USP8: variants seen among roughly 807,000 people sequenced by gnomAD.
USP8 encodes ubiquitin specific peptidase 8.
USP8 carries 27 observed loss-of-function variants against 130.0 expected under a neutral mutation model. The ratio of observed to expected loss-of-function variants is 0.21; its 90% CI spans 0.15 to 0.29. The LOEUF (loss-of-function observed/expected upper bound fraction) is 0.29, where lower values mean the gene tolerates loss of function less well. USP8 is among the 10% of genes least tolerant of loss of function. The pLI, the probability that USP8 is intolerant of heterozygous loss-of-function variation, is 1.00. For synonymous variants in USP8, 392 were observed against 444.1 expected (o/e 0.88, Z 1.48); for missense variants, 1,029 against 1,312.2 (o/e 0.78, Z 3.33).
intron 4 of USP8, chr15:50,458,384 C>G (rs1180437498): frequency 6.5e-6 from 1 of 153,026 alleles, no homozygotes; most frequent in African/African-American, 2.4e-5. Flanking sequence ...CTCCTGACCT[C>G]ACATGATCCG....
rs906075042 is a variant in USP8 at position 50,496,912 on chromosome 15, C to A, written c.2896-177C>A. 2.1e-5 allele frequency: 15 copies of A among 724,156 alleles called. No homozygotes were observed. In the African/African-American group the frequency reaches 2.7e-4, roughly 13 times the overall value. 44.9% of individuals were successfully genotyped at this position (724,156 alleles called of 1,614,324 possible). On this transcript the variant is annotated intron_variant, in intron 17 of 19. Coordinates refer to ENST00000307179, the MANE Select transcript of USP8 (RefSeq NM_005154.5). ...TAGCACTCACCACACTCTGTGCTGT[C>A]ATTGTTCACTTGTCTATGCTTCTCA...
chr15:50,437,392 GTTCAA>G lies in USP8; in HGVS notation c.-65-1609_-65-1605del, dbSNP rs556820142. Among the ~76,000 whole-genome samples the G allele has an allele frequency of 2.6e-3, 398 of 152,086 alleles. 1 individual carries two copies. The highest frequency in any genetic ancestry group is 9.2e-3 in the African/African-American group (381 of 41,468). On this transcript the variant is annotated intron_variant, in intron 1 of 19. Transcript: ENST00000307179. ...CATTTATATCTTTAAGCAATATATT[GTTCAA>G]TTCAATTTGATTTTTAAACTTTATA...
chr15:50,431,006 A>G (rs965750990), intron 1 of USP8, among the ~76,000 whole-genome samples: 1 of 152,230 alleles, frequency 6.6e-6, no homozygotes, highest in Non-Finnish European at 1.5e-5. Flanking sequence ...CATTGCACAG[A>G]GCAGCCTCTC....
chr15:50,488,221 TA>T (rs2052029429), intron 12 of USP8, among the ~76,000 whole-genome samples: 2 of 152,178 alleles, frequency 1.3e-5, no homozygotes, highest in Non-Finnish European at 2.9e-5. Context: ...GTTTTCTTCT[TA>T]AGGTTTCAGT....
rs973893229 is a variant in USP8, at chr15:50,428,236, C to T, written c.-66+3722C>T. On this transcript the variant is annotated intron_variant, in intron 1 of 19. Transcript: ENST00000307179. ...GGTTCAAGCAATTCTCCTGCCTCAG[C>T]CTCCCAAGTAGCTGGGATCACAGGC... Among the ~76,000 whole-genome samples, 32 of 152,158 alleles carry T rather than the reference C, an allele frequency of 2.1e-4. 1 individual carries two copies. Among genetic ancestry groups the T allele is most frequent in the Admixed American group, 1.8e-3 (27 of 15,262 alleles).
At chr15:50,479,020 C>T (rs930725546) in intron 10 of USP8, among the ~76,000 whole-genome samples, 2 of 152,084 alleles carry the variant, frequency 1.3e-5, no homozygotes, top group Non-Finnish European at 1.5e-5. Flanking sequence ...GGCCACTGCA[C>T]TCCAGCCTGG....
chr15:50,497,628 T>C (rs1335985476), intron 18 of USP8: 2 of 152,936 alleles, frequency 1.3e-5, no homozygotes, highest in African/African-American at 4.8e-5. Context: ...TGATAAAATA[T>C]GTTAACGATA....
intron 8 of USP8, among the ~76,000 whole-genome samples, chr15:50,476,089 G>GA (rs1403681187): frequency 6.6e-6 from 1 of 152,068 alleles, no homozygotes; most frequent in Non-Finnish European, 1.5e-5. Flanking sequence ...ATTAAATGGG[G>GA]AAAAAACCCA....
At chr15:50,476,462 T>G (rs578075292) in intron 8 of USP8, among the ~76,000 whole-genome samples, 3 of 152,114 alleles carry the variant, frequency 2.0e-5, no homozygotes, top group Admixed American at 6.6e-5. Flanking sequence ...TTACCTAGCA[T>G]TGCAAATGAT....
At chr15:50,498,362 A>T (rs1478352593) in intron 18 of USP8, 4 of 440,298 alleles carry the variant, frequency 9.1e-6, no homozygotes, top group Non-Finnish European at 1.6e-5. Flanking sequence ...TACCTCTACC[A>T]TTCTGGCTGT....
At position 50,449,623 on chromosome 15, in the gene USP8, C is replaced by T. The variant is rs929295240; in HGVS notation, c.335+138C>T. The T allele has an allele frequency of 1.4e-5, 7 of 501,364 alleles. No individual in the cohort carries two copies. In the Admixed American group the frequency reaches 2.2e-4, roughly 16 times the overall value. 31.1% of individuals were successfully genotyped at this position (501,364 alleles called of 1,614,324 possible). On this transcript the variant is annotated intron_variant, in intron 4 of 19. Coordinates refer to ENST00000307179, the MANE Select transcript of USP8 (RefSeq NM_005154.5). The stretch of plus-strand genomic sequence containing the variant: ...GACAGAGTCTCGCGCTGTCTGTCGC[C>T]CATGCTGGAGTGCAGTGGCGCGATC...
At chr15:50,473,573 C>A (rs143253604) in intron 8 of USP8, among the ~76,000 whole-genome samples, 125 of 151,996 alleles carry the variant, frequency 8.2e-4, no homozygotes, top group African/African-American at 2.8e-3. Context: ...AATCATAGCT[C>A]ACTGCAGCCT....
chr15:50,512,504 C>G lies in USP8; in HGVS notation c.*13416C>G, dbSNP rs957729728. The G allele has an allele frequency of 3.3e-5, 5 of 151,774 alleles. No individual in the cohort carries two copies. Among genetic ancestry groups the G allele is most frequent in the Admixed American group, 3.3e-4 (5 of 15,178 alleles). 9.4% of individuals were successfully genotyped at this position (151,774 alleles called of 1,614,324 possible). A position where few individuals can be genotyped will look rare whatever the true frequency, so the allele number is the denominator to read the frequency against. ...TGTGAATGTACTAAAAACTACTGAA[C>G]TGGCCAGGCACAGTGGCTCACACCT... On this transcript the variant is annotated 3_prime_UTR_variant, in exon 20 of 20. Coordinates refer to ENST00000307179, the MANE Select transcript of USP8 (RefSeq NM_005154.5).
At position 50,465,073 on chromosome 15, in the gene USP8, A is replaced by G. The variant is rs753400763; in HGVS notation, c.568A>G (p.Thr190Ala). The G allele has an allele frequency of 4.3e-6, 7 of 1,614,152 alleles. No individual in the cohort carries two copies. Among genetic ancestry groups the G allele is most frequent in the Non-Finnish European group, 5.9e-6 (7 of 1,180,018 alleles). ...AGCAATCACAGCAAAGGAACTATAC[A>G]CAATGATGACGGATAAAAACATCAG... is the stretch of plus-strand genomic sequence containing the variant. ...KGAITAKELY[T>A]MMTDKNISLI... Residue 190 changes from threonine to alanine, a missense_variant, in exon 7 of 20, where the codon ACA (threonine) becomes GCA (alanine). Around this residue, in one of 4 missense-constraint regions of USP8, gnomAD observed 281 missense variants for 336.7 expected, o/e 0.83. Coordinates refer to ENST00000307179, the MANE Select transcript of USP8 (RefSeq NM_005154.5).
chr15:50,444,578 A>G (rs1035914326), intron 3 of USP8: 4 of 151,548 alleles, frequency 2.6e-5, no homozygotes, highest in Non-Finnish European at 4.4e-5. Flanking sequence ...CAGAGTCTCT[A>G]TTGCATTTCC....
chr15:50,473,734 A>G (rs1328497863), intron 8 of USP8, among the ~76,000 whole-genome samples: 1 of 151,904 alleles, frequency 6.6e-6, no homozygotes, highest in Non-Finnish European at 1.5e-5. Flanking sequence ...CCTGGCCTCA[A>G]GCATTCCTCC....
chr15:50,427,079 G>A (rs1225768218), intron 1 of USP8, among the ~76,000 whole-genome samples: 2 of 150,916 alleles, frequency 1.3e-5, no homozygotes, highest in Non-Finnish European at 1.5e-5. Context: ...TCAGCCTCCC[G>A]AGTAGCATGT....
At position 50,485,550 on chromosome 15, in the gene USP8, ATTTTTTTTTTTTTTT is replaced by A. The variant is rs71424071; in HGVS notation, c.1890+1208_1890+1222del. ...CCCATTTTTAGCATGCAGTTTAGTGATTTTTTTTTTTTTTTTTTTTTTTTTTTTTTTTTAGTAATT... is the reference window on the plus strand; with the variant it reads ...CCCATTTTTAGCATGCAGTTTAGTGATTTTTTTTTTTTTTTTTTAGTAATT... On this transcript the variant is annotated intron_variant, in intron 12 of 19. Transcript: ENST00000307179. 6.4e-4 allele frequency among the ~76,000 whole-genome samples: 18 copies of A among 27,944 alleles called. No individual in the cohort carries two copies. The South Asian group carries it at 7.2e-3, about 11-fold the overall frequency. 18.3% of individuals were successfully genotyped at this position (27,944 alleles called of 152,430 possible).
intron 12 of USP8, among the ~76,000 whole-genome samples, chr15:50,484,686 TAC>T (rs540783497): frequency 1.8e-4 from 27 of 152,334 alleles, no homozygotes; most frequent in African/African-American, 6.3e-4. Flanking sequence ...GAAGTATTTG[TAC>T]ACCCATGTTC....
Sources: gnomAD v4.1 joint callset for allele counts (sites outside exome capture counted in the v4.1 genomes callset) on GRCh38, gnomAD v4.1.1 for gene constraint, gnomAD v4.1.1 regional missense constraint, MANE v1.5 for transcripts, NCBI Gene and HGNC (gene_info 2026-07-23, HGNC 2026-07-21) for gene names.